FMN2: variants seen among roughly 807,000 people sequenced by gnomAD.
FMN2 encodes the protein formin-2.
A neutral mutation model predicts 142.3 loss-of-function variants in FMN2; 51 were observed. The ratio of observed to expected loss-of-function variants is 0.36; its 90% CI spans 0.29 to 0.45. The LOEUF is 0.45. Ranked by LOEUF, FMN2 falls within the 20% of genes least tolerant of loss-of-function variation. The pLI is 1.00. For missense variants in FMN2, 1,936 were observed against 2,122.8 expected (o/e 0.91, Z 1.73); for synonymous variants, 882 against 869.8 (o/e 1.01, Z -0.25).
chr1:240,302,671 T>A (rs950005990), intron 8 of FMN2, among the ~76,000 whole-genome samples: 1 of 152,044 alleles, frequency 6.6e-6, no homozygotes, highest in African/African-American at 2.4e-5. Flanking sequence ...ATATAATTAG[T>A]CCAGTAATTA....
rs1676897505 is a variant in FMN2 at position 240,474,109 on chromosome 1, C to G, written c.5143-19C>G. ...AGTTCTTTCTAACTAAAACTTTTATCTGGTGTATTTGTTTTCAGAAAGCAA... is the reference window on the plus strand; with the variant it reads ...AGTTCTTTCTAACTAAAACTTTTATGTGGTGTATTTGTTTTCAGAAAGCAA... On this transcript the variant is annotated intron_variant, in intron 17 of 17. Coordinates refer to ENST00000319653, the MANE Select transcript of FMN2 (RefSeq NM_020066.5). 1 of 1,556,724 alleles carries G rather than the reference C, an allele frequency of 6.4e-7. No homozygotes were observed. The highest frequency in any genetic ancestry group is 8.6e-7 in the Non-Finnish European group (1 of 1,159,826).
chr1:240,232,089 G>T (rs532789565), intron 6 of FMN2, among the ~76,000 whole-genome samples: 10 of 150,228 alleles, frequency 6.7e-5, no homozygotes, highest in Non-Finnish European at 1.0e-4. Context: ...AATTTTTTTT[G>T]AGATGGAGTC....
At chr1:240,187,127 G>A (rs1264390421) in intron 3 of FMN2, among the ~76,000 whole-genome samples, 4 of 150,200 alleles carry the variant, frequency 2.7e-5, no homozygotes, top group African/African-American at 9.8e-5. Context: ...AAAATTAGCT[G>A]GGTGTGGTGG....
intron 7 of FMN2, chr1:240,285,359 A>G (rs1031142448): frequency 2.2e-6 from 1 of 451,276 alleles, no homozygotes; most frequent in Non-Finnish European, 4.4e-6. Flanking sequence ...ACATGTATAG[A>G]GTGTGCTGTC....
intron 1 of FMN2, among the ~76,000 whole-genome samples, chr1:240,105,456 A>G (rs1055849662): frequency 6.6e-6 from 1 of 152,136 alleles, no homozygotes; most frequent in African/African-American, 2.4e-5. Flanking sequence ...GAGTTTCTTA[A>G]AAAATCCTGA....
intron 8 of FMN2, among the ~76,000 whole-genome samples, chr1:240,301,926 C>T (rs78011599): frequency 0.14 from 21,587 of 151,816 alleles, 1,972 homozygotes; most frequent in African/African-American, 0.25. Flanking sequence ...TTCCATCTCT[C>T]GTCCTTCAAC....
At position 240,473,588 on chromosome 1, in the gene FMN2, C is replaced by T. The variant is rs971821951; in HGVS notation, c.5143-540C>T. ...TTTTTTAAAAAGTTAGGAATTATAT[C>T]TTCATTTAGAAGCAGTGGTGCCTTC... On this transcript the variant is annotated intron_variant, in intron 17 of 17. Transcript: ENST00000319653. This position sits in a 1 kb window ranked among gnomAD's most constrained non-coding sequence, Gnocchi z 4.3. Among the ~76,000 whole-genome samples the T allele has an allele frequency of 3.9e-5, 6 of 152,058 alleles. No homozygotes were observed. Among genetic ancestry groups the T allele is most frequent in the Admixed American group, 6.6e-5 (1 of 15,266 alleles).
At chr1:240,352,363 C>T (rs1461168537) in intron 13 of FMN2, among the ~76,000 whole-genome samples, 1 of 152,128 alleles carries the variant, frequency 6.6e-6, no homozygotes, top group Non-Finnish European at 1.5e-5. Context: ...AGGTGGATCA[C>T]CTGAGGTCAG....
intron 1 of FMN2, among the ~76,000 whole-genome samples, chr1:240,094,579 C>T (rs1231510447): frequency 6.6e-6 from 1 of 152,134 alleles, no homozygotes; most frequent in African/African-American, 2.4e-5. Context: ...TTTATCCTAG[C>T]TTACAGGCTT....
chr1:240,314,777 A>G (rs1239523964), intron 8 of FMN2, among the ~76,000 whole-genome samples: 1 of 152,028 alleles, frequency 6.6e-6, no homozygotes, highest in Non-Finnish European at 1.5e-5. Flanking sequence ...TGAATTGCAC[A>G]TCCTTGTGTG....
rs116475514 is a variant in FMN2 at position 240,186,347 on chromosome 1, C to T, written c.1931-1860C>T. On this transcript the variant is annotated intron_variant, in intron 3 of 17. Coordinates refer to ENST00000319653, the MANE Select transcript of FMN2 (RefSeq NM_020066.5). Reference sequence around the variant, plus strand: ...ATTACTCAACAAATATTTTAAGCACCTACTAAGTACCAGGCACTATTTGGA... The same window carrying T: ...ATTACTCAACAAATATTTTAAGCACTTACTAAGTACCAGGCACTATTTGGA... Among the ~76,000 whole-genome samples the T allele has an allele frequency of 1.6e-3, 243 of 152,230 alleles. 3 individuals carry two copies. Among genetic ancestry groups the T allele is most frequent in the Non-Finnish European group, 1.7e-3 (113 of 68,022 alleles).
chr1:240,271,260 G>A (rs1669004022), intron 7 of FMN2, among the ~76,000 whole-genome samples: 1 of 151,626 alleles, frequency 6.6e-6, no homozygotes, highest in Admixed American at 6.6e-5. Flanking sequence ...TTTTCATAGA[G>A]TCTGGCTTCA....
At chr1:240,274,077 A>T (rs932921633) in intron 7 of FMN2, among the ~76,000 whole-genome samples, 1 of 152,138 alleles carries the variant, frequency 6.6e-6, no homozygotes, top group Non-Finnish European at 1.5e-5. Flanking sequence ...ATGCTTCAGC[A>T]TTCACTCAAC....
At chr1:240,436,809 T>C (rs555689130) in intron 15 of FMN2, among the ~76,000 whole-genome samples, 1 of 152,346 alleles carries the variant, frequency 6.6e-6, no homozygotes, top group South Asian at 2.1e-4. Context: ...TGTTTATATA[T>C]GTATATATAT....
intron 8 of FMN2, among the ~76,000 whole-genome samples, chr1:240,303,464 T>C (rs4659957): frequency 0.36 from 55,330 of 152,022 alleles, 10,427 homozygotes; most frequent in African/African-American, 0.45. Context: ...TTTGTTTCAG[T>C]ACTTTGAATA....
chr1:240,450,864 G>A (rs569712795), intron 16 of FMN2, among the ~76,000 whole-genome samples: 3 of 152,254 alleles, frequency 2.0e-5, no homozygotes, highest in Non-Finnish European at 2.9e-5. Context: ...GAAAGGGCAC[G>A]CAGACCGTTC....
At chr1:240,173,172 G>A (rs1393386185) in intron 2 of FMN2, among the ~76,000 whole-genome samples, 1 of 152,096 alleles carries the variant, frequency 6.6e-6, no homozygotes, top group Non-Finnish European at 1.5e-5. Flanking sequence ...CTGATCTCAG[G>A]TGATCTGCCC....
rs865955476 is a variant in FMN2, at chr1:240,347,241, C to T, written c.4766-8575C>T. On this transcript the variant is annotated intron_variant, in intron 13 of 17. Transcript: ENST00000319653. ...GAAAATGTGGAAAGCGTATACCATCCGTACGGCCAGGGGAATAAAGTGAAA... is the reference window on the plus strand; with the variant it reads ...GAAAATGTGGAAAGCGTATACCATCTGTACGGCCAGGGGAATAAAGTGAAA... 9.2e-5 allele frequency among the ~76,000 whole-genome samples: 14 copies of T among 152,300 alleles called. 1 individual carries two copies. The South Asian group carries it at 2.3e-3, about 25-fold the overall frequency.
rs117552799 is a variant in FMN2 at position 240,294,621 on chromosome 1, G to A, written c.4154-201G>A. Among the ~76,000 whole-genome samples, 86 of 152,232 alleles carry A rather than the reference G, an allele frequency of 5.6e-4. No individual in the cohort carries two copies. The East Asian group carries it at 0.011, about 20-fold the overall frequency. On this transcript the variant is annotated intron_variant, in intron 7 of 17. Coordinates refer to ENST00000319653, the MANE Select transcript of FMN2 (RefSeq NM_020066.5). Reference sequence around the variant, plus strand: ...CATTTTCATGGGATTTAGTATTTGCGGAGCAAGTGAAAGCTTTAACACTTG... The same window carrying A: ...CATTTTCATGGGATTTAGTATTTGCAGAGCAAGTGAAAGCTTTAACACTTG...
Sources: gnomAD v4.1 joint callset for allele counts (sites outside exome capture counted in the v4.1 genomes callset) on GRCh38, gnomAD v4.1.1 for gene constraint, Gnocchi (gnomAD v3.1) non-coding constraint, MANE v1.5 for transcripts, NCBI Gene and HGNC (gene_info 2026-07-23, HGNC 2026-07-21) for gene names.